The following MRGPRX3 variants were observed in gnomAD, a reference collection of about 807,000 sequenced individuals.
The protein encoded by MRGPRX3 is mas-related G protein-coupled receptor member X3.
In MRGPRX3, 14 loss-of-function variants were observed where a neutral mutation model predicts 16.5. That is an observed-to-expected ratio of 0.85 (90% CI 0.56 to 1.33). MRGPRX3 has a LOEUF of 1.33. Among genes scored for constraint, MRGPRX3 ranks in the 40% most tolerant of loss-of-function variants. MRGPRX3 has a pLI of 0.00. For missense variants in MRGPRX3, 449 were observed against 413.0 expected (o/e 1.09, Z -0.76); for synonymous variants, 199 against 180.1 (o/e 1.10, Z -0.84).
upstream of MRGPRX3, among the ~76,000 whole-genome samples, chr11:18,130,868 G>T (rs2085275): frequency 0.52 from 79,585 of 151,956 alleles, 23,231 homozygotes; most frequent in East Asian, 0.83. Context: ...AGAGAATCCA[G>T]AAATAAAGCC....
rs1590309394 is a variant in MRGPRX3, at chr11:18,138,434, A to C, written c.*263A>C. On this transcript the variant is annotated 3_prime_UTR_variant, in exon 2 of 2. Transcript: ENST00000621697. Reference sequence around the variant, plus strand: ...TTGCACTGAATCTTTCCTACTGAACACTTTTTCTGCACTTTTCATTGTAAT... The same window carrying C: ...TTGCACTGAATCTTTCCTACTGAACCCTTTTTCTGCACTTTTCATTGTAAT... 9.4e-6 allele frequency: 4 copies of C among 426,012 alleles called. No homozygotes were observed. In the East Asian group the frequency reaches 1.6e-4, roughly 18 times the overall value. 26.4% of individuals were successfully genotyped at this position (426,012 alleles called of 1,614,324 possible). A position where few individuals can be genotyped will look rare whatever the true frequency, so the allele number is the denominator to read the frequency against.
At chr11:18,121,723 CA>C (rs1724047384) in intron 1 of MRGPRX3, among the ~76,000 whole-genome samples, 1 of 152,208 alleles carries the variant, frequency 6.6e-6, no homozygotes, top group Non-Finnish European at 1.5e-5. Flanking sequence ...CTCTCTGAAA[CA>C]TGTGCTGTGT....
intron 1 of MRGPRX3, 40 bp from the exon 2 acceptor site, chr11:18,137,138 G>C (rs1420495671): frequency 2.6e-6 from 4 of 1,526,838 alleles, no homozygotes; most frequent in Non-Finnish European, 2.6e-6. Flanking sequence ...GAGAATCAGA[G>C]ATCAAACAGC....
At chr11:18,126,305 G>A (rs925161358) in intron 1 of MRGPRX3, among the ~76,000 whole-genome samples, 35 of 152,136 alleles carry the variant, frequency 2.3e-4, no homozygotes, top group Non-Finnish European at 5.9e-5. Flanking sequence ...CTTTACAACT[G>A]GCATGTTTTT....
chr11:18,123,637 G>A (rs1848862106), intron 1 of MRGPRX3, among the ~76,000 whole-genome samples: 4 of 152,148 alleles, frequency 2.6e-5, no homozygotes, highest in Admixed American at 2.6e-4. Context: ...CTCCAGCTTT[G>A]TTCTTTTGGC....
At chr11:18,128,860 A>T (rs1848931087), upstream of MRGPRX3, among the ~76,000 whole-genome samples, 1 of 152,200 alleles carries the variant, frequency 6.6e-6, no homozygotes, top group Non-Finnish European at 1.5e-5. Flanking sequence ...CATTCGTCAG[A>T]TTCTGTGTTG....
upstream of MRGPRX3, among the ~76,000 whole-genome samples, chr11:18,128,575 G>A (rs1848926348): frequency 6.6e-6 from 1 of 152,250 alleles, no homozygotes; most frequent in South Asian, 2.1e-4. Flanking sequence ...GACCCTCCGA[G>A]CCAGGCACAG....
At chr11:18,135,826 C>T (rs1849003326) in intron 1 of MRGPRX3, among the ~76,000 whole-genome samples, 1 of 152,106 alleles carries the variant, frequency 6.6e-6, no homozygotes, top group Non-Finnish European at 1.5e-5. Context: ...CCCTGCTGGG[C>T]TCACATTCAT....
At chr11:18,122,203 CTTTT>C (rs935569197) in intron 1 of MRGPRX3, among the ~76,000 whole-genome samples, 1 of 151,176 alleles carries the variant, frequency 6.6e-6, no homozygotes, top group Non-Finnish European at 1.5e-5. Flanking sequence ...CTTGCTGAGA[CTTTT>C]TTTTTATTAT....
At chr11:18,131,672 C>T (rs1848961730), upstream of MRGPRX3, among the ~76,000 whole-genome samples, 2 of 151,932 alleles carry the variant, frequency 1.3e-5, no homozygotes, top group African/African-American at 2.4e-5. Flanking sequence ...ATCCAGCAAT[C>T]CCATTAAATA....
In MRGPRX3 at chr11:18,137,571, C is replaced by A. The variant is rs1378458056; in HGVS notation, c.369C>A (p.Ser123=). Residue 123 remains serine (S), a synonymous_variant, in exon 2 of 2, where the codon TCC becomes TCA. Transcript: ENST00000621697. ...CCATCAGCACCGAGCGCTGCCTGTC[C>A]ATCCTGTGGCCCATCTGGTACCACT... is the stretch of plus-strand genomic sequence containing the variant. The part of the protein sequence containing the change: ...LSAISTERCL[S]ILWPIWYHCR... 3 of 1,614,170 alleles carry A rather than the reference C, an allele frequency of 1.9e-6. No individual in the cohort carries two copies. Among genetic ancestry groups the A allele is most frequent in the South Asian group, 1.1e-5 (1 of 91,082 alleles).
chr11:18,136,958 C>T (rs1214174862), intron 1 of MRGPRX3, among the ~76,000 whole-genome samples: 1 of 152,118 alleles, frequency 6.6e-6, no homozygotes, highest in East Asian at 1.9e-4. Context: ...CCCATGTCAG[C>T]ACAGAACTTG....
upstream of MRGPRX3, among the ~76,000 whole-genome samples, chr11:18,132,102 A>C (rs1164059377): frequency 6.6e-6 from 1 of 152,244 alleles, no homozygotes; most frequent in East Asian, 1.9e-4. Flanking sequence ...GAATTTAAAA[A>C]AGTTCACTGT....
upstream of MRGPRX3, among the ~76,000 whole-genome samples, chr11:18,129,112 T>A (rs1047760892): frequency 6.6e-6 from 1 of 152,178 alleles, no homozygotes; most frequent in African/African-American, 2.4e-5. Context: ...AAATAGACAA[T>A]CTGAAGTCAC....
upstream of MRGPRX3, among the ~76,000 whole-genome samples, chr11:18,128,065 A>C (rs1446047106): frequency 2.6e-5 from 4 of 152,250 alleles, no homozygotes; most frequent in African/African-American, 9.6e-5. Context: ...GAGTATCAGC[A>C]GCGGAGGCTG....
chr11:18,122,361 C>T (rs1347016358), intron 1 of MRGPRX3, among the ~76,000 whole-genome samples: 3 of 152,196 alleles, frequency 2.0e-5, no homozygotes, highest in African/African-American at 7.2e-5. Context: ...CGACAGGCCC[C>T]AGGGTGGGAT....
chr11:18,129,843 G>T (rs1446137913), upstream of MRGPRX3, among the ~76,000 whole-genome samples: 1 of 152,118 alleles, frequency 6.6e-6, no homozygotes, highest in African/African-American at 2.4e-5. Flanking sequence ...TTGTCAAGTG[G>T]GTTTCATACC....
chr11:18,129,439 G>C (rs1848938308), upstream of MRGPRX3, among the ~76,000 whole-genome samples: 1 of 152,188 alleles, frequency 6.6e-6, no homozygotes, highest in South Asian at 2.1e-4. Context: ...AAACCTGGAG[G>C]TTATGCATAA....
chr11:18,128,689 G>A (rs1848928089), upstream of MRGPRX3, among the ~76,000 whole-genome samples: 2 of 152,192 alleles, frequency 1.3e-5, no homozygotes, highest in Admixed American at 1.3e-4. Context: ...TCCTTTTCTT[G>A]GCTAGGAAAG....
Sources: allele counts gnomAD v4.1 joint callset (sites outside exome capture counted in the v4.1 genomes callset), GRCh38; gene constraint gnomAD v4.1.1; transcripts MANE v1.5; gene names NCBI Gene and HGNC (gene_info 2026-07-23, HGNC 2026-07-21).